Variants in PBX1 observed in about 807,000 individuals in gnomAD.
The protein encoded by PBX1 is pre-B-cell leukemia transcription factor 1.
Under a neutral mutation model 53.4 loss-of-function variants are expected in PBX1, and 6 were observed. The observed-to-expected ratio is 0.11, with a 90% confidence interval of 0.06 to 0.22. The LOEUF (loss-of-function observed/expected upper bound fraction) is 0.22, where lower values mean the gene tolerates loss of function less well. PBX1 is among the 10% of genes least tolerant of loss of function. PBX1 has a pLI of 1.00. For synonymous variants in PBX1, 204 were observed against 212.3 expected (o/e 0.96, Z 0.34); for missense variants, 251 against 551.4 (o/e 0.46, Z 5.46).
chr1:164,763,391 C>G (rs913360190), intron 2 of PBX1, among the ~76,000 whole-genome samples: 2 of 152,178 alleles, frequency 1.3e-5, no homozygotes, highest in Non-Finnish European at 2.9e-5. Context: ...AGACTTATTC[C>G]TTTTAAAAAA....
chr1:164,618,217 A>G, intron 2 of PBX1, among the ~76,000 whole-genome samples: 1 of 149,664 alleles, frequency 6.7e-6, no homozygotes, highest in Non-Finnish European at 1.5e-5. Flanking sequence ...CACCACCAAA[A>G]TTAAGTGCAT....
chr1:164,665,676 A>T (rs1223908892), intron 2 of PBX1, among the ~76,000 whole-genome samples: 2 of 152,084 alleles, frequency 1.3e-5, no homozygotes, highest in African/African-American at 4.8e-5. Context: ...GCACCCAGCT[A>T]CCCTATGGGG....
intron 2 of PBX1, among the ~76,000 whole-genome samples, chr1:164,755,998 G>GAA (rs370503258): frequency 0.015 from 1,908 of 124,954 alleles, 26 homozygotes; most frequent in African/African-American, 0.017. Flanking sequence ...CCCGATTCAG[G>GAA]AAAAAAAAAA....
chr1:164,630,993 G>A (rs1658376909), intron 2 of PBX1: 1 of 152,236 alleles, frequency 6.6e-6, no homozygotes, highest in Admixed American at 6.5e-5. Flanking sequence ...TAATGAACTA[G>A]CACATGGGCT....
At chr1:164,792,462 A>G (rs778272148) in intron 2 of PBX1, 32 bp from the exon 3 acceptor site, 1 of 1,611,988 alleles carries the variant, frequency 6.2e-7, no homozygotes, top group Non-Finnish European at 8.5e-7. Context: ...TTGGGTTACT[A>G]TTAACGCTCC....
intron 2 of PBX1, among the ~76,000 whole-genome samples, chr1:164,650,430 T>C (rs1438475019): frequency 6.6e-6 from 1 of 152,044 alleles, no homozygotes; most frequent in African/African-American, 2.4e-5. Context: ...GGTTTGACCA[T>C]ATTGGCCAGG....
At chr1:164,860,959 T>A (rs538224769) in intron 2 of PBX1, among the ~76,000 whole-genome samples, 1 of 149,288 alleles carries the variant, frequency 6.7e-6, no homozygotes, top group Admixed American at 6.7e-5. Context: ...AGAGAAGGGG[T>A]GGGAGGTTTG....
intron 2 of PBX1, among the ~76,000 whole-genome samples, chr1:164,762,278 T>G (rs1390895408): frequency 6.6e-6 from 1 of 152,188 alleles, no homozygotes; most frequent in African/African-American, 2.4e-5. Context: ...CAGTAAGAGC[T>G]CTGATGCCCT....
chr1:164,583,374 T>G (rs375000462), intron 2 of PBX1, among the ~76,000 whole-genome samples: 27 of 152,136 alleles, frequency 1.8e-4, no homozygotes, highest in Admixed American at 2.0e-4. Context: ...CTTCCATTCT[T>G]TTTTAGGGAA....
intron 2 of PBX1, among the ~76,000 whole-genome samples, chr1:164,691,004 G>A (rs1619065): frequency 0.2 from 26,730 of 134,434 alleles, 2,645 homozygotes; most frequent in South Asian, 0.31. Flanking sequence ...ATCAAGAGTT[G>A]TTAAATCTTT....
chr1:164,814,340 T>C (rs145507542), intron 6 of PBX1: 1 of 152,360 alleles, frequency 6.6e-6, no homozygotes, highest in East Asian at 1.9e-4. Flanking sequence ...TGGCAGAGTT[T>C]GAAGTCTAGA....
At chr1:164,710,955 G>A (rs1663731404) in intron 2 of PBX1, among the ~76,000 whole-genome samples, 1 of 152,222 alleles carries the variant, frequency 6.6e-6, no homozygotes, top group African/African-American at 2.4e-5. Flanking sequence ...GGCCAGCCAG[G>A]CGTGAACCTT....
At chr1:164,732,011 G>C (rs1266848622) in intron 2 of PBX1, among the ~76,000 whole-genome samples, 1 of 152,148 alleles carries the variant, frequency 6.6e-6, no homozygotes, top group Non-Finnish European at 1.5e-5. Flanking sequence ...GCAGCCAGAA[G>C]AACAGGGACA....
chr1:164,652,821 T>C (rs905056231), intron 2 of PBX1, among the ~76,000 whole-genome samples: 3 of 152,148 alleles, frequency 2.0e-5, no homozygotes, highest in African/African-American at 7.2e-5. Context: ...CCCCTTTTAC[T>C]TCTCTTACCA....
intron 2 of PBX1, among the ~76,000 whole-genome samples, chr1:164,862,589 G>C (rs760158425): frequency 1.1e-4 from 16 of 152,202 alleles, no homozygotes; most frequent in Non-Finnish European, 1.6e-4. Flanking sequence ...ATAGTTTTCA[G>C]ATTAATACGT....
At chr1:164,775,014 T>A (rs2102258179) in intron 2 of PBX1, among the ~76,000 whole-genome samples, 1 of 151,896 alleles carries the variant, frequency 6.6e-6, no homozygotes, top group East Asian at 2.0e-4. Flanking sequence ...CTAGCAAGAG[T>A]TGTTTATATG....
chr1:164,773,262 C>T (rs1031260671), intron 2 of PBX1, among the ~76,000 whole-genome samples: 1 of 151,882 alleles, frequency 6.6e-6, no homozygotes, highest in Non-Finnish European at 1.5e-5. Flanking sequence ...CACACACACA[C>T]ACACACACAC....
intron 2 of PBX1, among the ~76,000 whole-genome samples, chr1:164,885,540 C>T (rs553615623): frequency 6.6e-6 from 1 of 152,306 alleles, no homozygotes; most frequent in Admixed American, 6.5e-5. Flanking sequence ...CCTAATGTCA[C>T]TCACACTACG....
chr1:164,830,402 G>A (rs145930723), intron 8 of PBX1, among the ~76,000 whole-genome samples: 33 of 152,092 alleles, frequency 2.2e-4, no homozygotes, highest in African/African-American at 8.0e-4. Context: ...AGAAAAGCAT[G>A]CTTTCTGCTT....
Sources: gnomAD v4.1 joint callset for allele counts (sites outside exome capture counted in the v4.1 genomes callset) on GRCh38, gnomAD v4.1.1 for gene constraint, MANE v1.5 for transcripts, NCBI Gene and HGNC (gene_info 2026-07-23, HGNC 2026-07-21) for gene names.